The following SORCS3 variants were observed in gnomAD, a reference collection of about 807,000 sequenced individuals.
SORCS3 encodes the protein VPS10 domain-containing receptor SorCS3.
In SORCS3, 57 loss-of-function variants were observed where a neutral mutation model predicts 146.3. The observed-to-expected ratio is 0.39, with a 90% CI of 0.31 to 0.49. The LOEUF (loss-of-function observed/expected upper bound fraction) is 0.49. Among genes scored for constraint, SORCS3 ranks in the 20% least tolerant of loss-of-function variants. The pLI is 0.92. For missense variants in SORCS3, 1,341 were observed against 1,575.5 expected (o/e 0.85, Z 2.52); for synonymous variants, 653 against 618.5 (o/e 1.06, Z -0.83).
chr10:104,757,856 C>A (rs1037151947), intron 1 of SORCS3, among the ~76,000 whole-genome samples: 2 of 18,258 alleles, frequency 1.1e-4, no homozygotes, highest in East Asian at 2.2e-3. Flanking sequence ...CCACTGCCAC[C>A]ACCCCCCCCC....
chr10:104,891,638 T>C (rs2018750494), intron 2 of SORCS3, among the ~76,000 whole-genome samples: 1 of 152,186 alleles, frequency 6.6e-6, no homozygotes, highest in South Asian at 2.1e-4. Flanking sequence ...ATTGTTGTTT[T>C]ATATGTTTTA....
chr10:104,807,530 A>T (rs570438167), intron 1 of SORCS3, among the ~76,000 whole-genome samples: 50 of 152,338 alleles, frequency 3.3e-4, no homozygotes, highest in Middle Eastern at 3.4e-3. Context: ...AGGACATTGG[A>T]AGAAGAAAAG....
Position 105,182,230 on chromosome 10 carries a change from C to CTTTTTTT in SORCS3, c.2009+4074_2009+4080dup, listed in dbSNP as rs11340368. On this transcript the variant is annotated intron_variant, in intron 14 of 26. Transcript: ENST00000369701. ...CAGCCAACTTGTGACTATTCAGCAT[C>CTTTTTTT]TTTTTTTTTTTTTTTTTTTTTTTGT... Among the ~76,000 whole-genome samples the CTTTTTTT allele has an allele frequency of 1.6e-3, 111 of 70,462 alleles. 4 individuals are homozygous for CTTTTTTT. The highest frequency in any genetic ancestry group is 7.9e-3 in the Middle Eastern group (1 of 126). The allele number at this position is 70,462 out of a possible 152,430, so 46.2% of individuals were successfully genotyped here.
chr10:105,122,243 G>C (rs1489368855), intron 7 of SORCS3, among the ~76,000 whole-genome samples: 4 of 152,168 alleles, frequency 2.6e-5, no homozygotes, highest in Non-Finnish European at 4.4e-5. Flanking sequence ...CAGAGTTTCA[G>C]CTTTAAAAAA....
intron 4 of SORCS3, among the ~76,000 whole-genome samples, chr10:105,027,044 T>A (rs1589599981): frequency 2.0e-5 from 3 of 152,264 alleles, no homozygotes; most frequent in Admixed American, 2.0e-4. Flanking sequence ...TTTGACGTGA[T>A]CTTGTCCCCA....
At chr10:104,724,180 A>C (rs890044052) in intron 1 of SORCS3, among the ~76,000 whole-genome samples, 1 of 152,162 alleles carries the variant, frequency 6.6e-6, no homozygotes, top group Non-Finnish European at 1.5e-5. Context: ...GGTGGTGACA[A>C]AATCTCTCAG....
intron 13 of SORCS3, among the ~76,000 whole-genome samples, chr10:105,173,102 G>C (rs1564775039): frequency 1.3e-5 from 2 of 152,044 alleles, no homozygotes; most frequent in Admixed American, 6.6e-5. Context: ...CAGTATGGAA[G>C]TCCAAAAAGC....
rs373822186 is a variant in SORCS3, at chr10:104,794,588, GGTGTGT to G, written c.628-48192_628-48187del. ...CAAGGAGGGATATCAAGGTAGATAG[GGTGTGT>G]GTGTGTGTGTGAGAGAGAGAGAGGG... is the stretch of plus-strand genomic sequence containing the variant. On this transcript the variant is annotated intron_variant, in intron 1 of 26. Coordinates refer to ENST00000369701, the MANE Select transcript of SORCS3 (RefSeq NM_014978.3). 6.3e-4 allele frequency among the ~76,000 whole-genome samples: 85 copies of G among 134,022 alleles called. 2 individuals carry two copies. In the South Asian group the frequency reaches 0.015, roughly 24 times the overall value. 87.9% of individuals were successfully genotyped at this position (134,022 alleles called of 152,430 possible).
intron 7 of SORCS3, among the ~76,000 whole-genome samples, chr10:105,129,624 T>C (rs946371042): frequency 4.6e-5 from 7 of 151,492 alleles, no homozygotes; most frequent in African/African-American, 1.5e-4. Context: ...TGTCCTTTTG[T>C]ATTTCTGCCC....
intron 20 of SORCS3, among the ~76,000 whole-genome samples, chr10:105,224,584 A>G (rs2119674504): frequency 6.6e-6 from 1 of 152,302 alleles, no homozygotes; most frequent in African/African-American, 2.4e-5. Flanking sequence ...TAAGTTTTCG[A>G]CTACTTTGGA....
intron 20 of SORCS3, among the ~76,000 whole-genome samples, chr10:105,230,265 A>C (rs1430179781): frequency 6.6e-6 from 1 of 152,034 alleles, no homozygotes; most frequent in Non-Finnish European, 1.5e-5. Flanking sequence ...TGTTGTGTGC[A>C]GGTACTGGCT....
chr10:104,986,952 A>G (rs1478798160), intron 4 of SORCS3, among the ~76,000 whole-genome samples: 1 of 152,204 alleles, frequency 6.6e-6, no homozygotes, highest in Non-Finnish European at 1.5e-5. Flanking sequence ...CAAAGTAGGC[A>G]CATACTCTTG....
At chr10:104,734,615 G>C (rs562654169) in intron 1 of SORCS3, among the ~76,000 whole-genome samples, 42 of 152,212 alleles carry the variant, frequency 2.8e-4, no homozygotes, top group Non-Finnish European at 6.2e-4. Flanking sequence ...AGGCATGATG[G>C]CTTTATCAAT....
chr10:105,213,403 A>G (rs2056646087), intron 17 of SORCS3, among the ~76,000 whole-genome samples: 1 of 152,188 alleles, frequency 6.6e-6, no homozygotes, highest in Admixed American at 6.5e-5. Flanking sequence ...GGATTTGTTA[A>G]TTATTCTTGA....
intron 3 of SORCS3, among the ~76,000 whole-genome samples, chr10:104,975,357 T>C (rs9702805): frequency 0.48 from 72,014 of 151,220 alleles, 20,288 homozygotes; most frequent in African/African-American, 0.8. Flanking sequence ...TTACAAGGGA[T>C]GTGAAGGACC....
intron 5 of SORCS3, among the ~76,000 whole-genome samples, chr10:105,082,131 A>G (rs1006075128): frequency 6.6e-6 from 1 of 152,246 alleles, no homozygotes; most frequent in African/African-American, 2.4e-5. Flanking sequence ...AAGGAGGAAT[A>G]AAGGTAATTT....
At chr10:105,003,009 A>G (rs1257118625) in intron 4 of SORCS3, among the ~76,000 whole-genome samples, 4 of 152,212 alleles carry the variant, frequency 2.6e-5, no homozygotes, top group South Asian at 4.1e-4. Context: ...TTTCATAGAT[A>G]TAAATGCAGG....
intron 7 of SORCS3, among the ~76,000 whole-genome samples, chr10:105,119,893 A>T (rs1243653322): frequency 6.6e-6 from 1 of 152,048 alleles, no homozygotes; most frequent in African/African-American, 2.4e-5. Context: ...TTGGACTTGG[A>T]CTTCTGGGTT....
chr10:105,164,331 T>C lies in SORCS3; in HGVS notation c.1761T>C (p.Thr587=), dbSNP rs371918382. The stretch of plus-strand genomic sequence containing the variant: ...ACATTGGCCCGGAGCTCTCATATAC[T>C]GATATTGGTGTGTTCATCTCCTCCG... The part of the protein sequence containing the change: ...TGNIGPELSY[T]DIGVFISSDG... Residue 587 remains threonine (T), a synonymous_variant, in exon 12 of 27, where the codon ACT becomes ACC. Transcript: ENST00000369701. 3 of 1,613,676 alleles carry C rather than the reference T, an allele frequency of 1.9e-6. No individual in the cohort carries two copies. Among genetic ancestry groups the C allele is most frequent in the Admixed American group, 1.7e-5 (1 of 59,984 alleles).
Sources: allele counts gnomAD v4.1 joint callset (sites outside exome capture counted in the v4.1 genomes callset), GRCh38; gene constraint gnomAD v4.1.1; transcripts MANE v1.5; gene names NCBI Gene and HGNC (gene_info 2026-07-23, HGNC 2026-07-21).